The following ADGRF4 variants were observed in gnomAD, a reference collection of about 807,000 sequenced individuals.
ADGRF4 encodes adhesion G protein-coupled receptor F4.
ADGRF4 carries 63 observed loss-of-function variants against 58.5 expected under a neutral mutation model. The observed-to-expected ratio is 1.08, with a 90% CI of 0.88 to 1.33. The LOEUF (loss-of-function observed/expected upper bound fraction) is 1.33. Among genes scored for constraint, ADGRF4 ranks in the 40% most tolerant of loss-of-function variants. The pLI is 0.00. For missense variants in ADGRF4, 931 were observed against 843.9 expected, an observed-to-expected ratio of 1.10 and a Z score of -1.28; for synonymous variants, 313 against 295.4, an observed-to-expected ratio of 1.06 and a Z score of -0.61.
At chr6:47,705,802 AT>A (rs1561864944) in intron 1 of ADGRF4, among the ~76,000 whole-genome samples, 1 of 152,196 alleles carries the variant, frequency 6.6e-6, no homozygotes, top group Non-Finnish European at 1.5e-5. Flanking sequence ...TCATAAGGGA[AT>A]TTATGTTTGC....
At chr6:47,706,130 A>T (rs1771705086) in intron 1 of ADGRF4, among the ~76,000 whole-genome samples, 1 of 152,202 alleles carries the variant, frequency 6.6e-6, no homozygotes, top group Middle Eastern at 3.2e-3. Flanking sequence ...ATTTTGCTGC[A>T]TCTGGATTTC....
rs574875499 is a variant in ADGRF4, at chr6:47,707,305, A to G, written c.60A>G (p.Glu20=). 2.6e-5 allele frequency: 42 copies of G among 1,612,860 alleles called. 1 individual carries two copies. In the South Asian group the frequency reaches 4.0e-4, roughly 15 times the overall value. The change falls in exon 2 of 10, where the codon GAA becomes GAG. Residue 20 remains glutamate (E), a synonymous_variant. Transcript: ENST00000283303. ...ICCLVFFLST[E]CSHYRSKIHL... ...GCTTAGTGTTCTTTCTGTCCACAGA[A>G]TGTTCCCACTATAGATCCAAGATTC...
chr6:47,713,743 C>T (rs1482353871), intron 5 of ADGRF4, 55 bp from the exon 6 acceptor site: 2 of 1,357,246 alleles, frequency 1.5e-6, no homozygotes, highest in Admixed American at 2.7e-5. Context: ...TAGAAATCAA[C>T]TTTGTACAAC....
rs116648749 is a variant in ADGRF4 at position 47,710,577 on chromosome 6, C to G, written c.149-158C>G. On this transcript the variant is annotated intron_variant, in intron 3 of 9. Coordinates refer to ENST00000283303, the MANE Select transcript of ADGRF4 (RefSeq NM_153838.5). ...CCTGGATACCAGCTGCACAATCTAC[C>G]TGGCAGCTCTTACTCATTGCCGTGG... 4.3e-3 allele frequency among the ~76,000 whole-genome samples: 656 copies of G among 152,286 alleles called. 3 individuals carry two copies. Among genetic ancestry groups the G allele is most frequent in the African/African-American group, 0.014 (571 of 41,542 alleles).
chr6:47,715,116 C>T lies in ADGRF4; in HGVS notation c.1871C>T (p.Thr624Ile). 1 of 1,605,352 alleles carries T rather than the reference C, an allele frequency of 6.2e-7. No homozygotes were observed. The change falls in exon 6 of 10, where the codon ACT becomes ATT. Residue 624 changes from threonine to isoleucine, a missense_variant. Coordinates refer to ENST00000283303, the MANE Select transcript of ADGRF4 (RefSeq NM_153838.5). ...CTGACCTGGGGTTTTGGAATAGCCA[C>T]TCTCATAGAAGGCACTTCCTTGACG... is the stretch of plus-strand genomic sequence containing the variant. Reference protein sequence around the residue: ...LGLTWGFGIATLIEGTSLTFH... With the variant: ...LGLTWGFGIAILIEGTSLTFH...
intron 1 of ADGRF4, among the ~76,000 whole-genome samples, chr6:47,705,333 G>A (rs1266893730): frequency 3.3e-5 from 5 of 152,204 alleles, no homozygotes; most frequent in Non-Finnish European, 4.4e-5. Flanking sequence ...GATCAGTTAA[G>A]CATCTATCTT....
chr6:47,699,629 T>C (rs981664658), intron 1 of ADGRF4, among the ~76,000 whole-genome samples: 6 of 152,214 alleles, frequency 3.9e-5, no homozygotes, highest in African/African-American at 1.4e-4. Flanking sequence ...CTGGAAGCCA[T>C]CTAAAGTAGC....
intron 9 of ADGRF4, among the ~76,000 whole-genome samples, chr6:47,719,365 G>A (rs1001650287): frequency 7.2e-5 from 11 of 152,088 alleles, no homozygotes; most frequent in African/African-American, 2.4e-4. Flanking sequence ...TGTTAGTGCT[G>A]GGAAAACGGG....
At position 47,721,943 on chromosome 6, in the gene ADGRF4, C is replaced by A. The variant is rs776007452; in HGVS notation, c.*738C>A. ...CATGTTTGTGTTTGTGTATATGTGTCTTTTAAAAATACTATATATAAAGAA... is the reference window on the plus strand; with the variant it reads ...CATGTTTGTGTTTGTGTATATGTGTATTTTAAAAATACTATATATAAAGAA... On this transcript the variant is annotated 3_prime_UTR_variant, in exon 10 of 10. Coordinates refer to ENST00000283303, the MANE Select transcript of ADGRF4 (RefSeq NM_153838.5). The A allele has an allele frequency of 2.0e-5, 3 of 152,020 alleles. No homozygotes were observed. The highest frequency in any genetic ancestry group is 4.4e-5 in the Non-Finnish European group (3 of 67,994). 9.4% of individuals were successfully genotyped at this position (152,020 alleles called of 1,614,324 possible).
At chr6:47,715,982 G>A (rs1211285397) in intron 6 of ADGRF4, among the ~76,000 whole-genome samples, 2 of 63,816 alleles carry the variant, frequency 3.1e-5, no homozygotes, top group East Asian at 2.2e-4. Context: ...TGACATGAGG[G>A]ATTTTTTTTT....
At chr6:47,711,852 A>G (rs1771880294) in intron 4 of ADGRF4, among the ~76,000 whole-genome samples, 1 of 151,954 alleles carries the variant, frequency 6.6e-6, no homozygotes, top group South Asian at 2.1e-4. Flanking sequence ...CTATGGTCAC[A>G]CTCGAAAGTG....
chr6:47,710,614 C>T, intron 3 of ADGRF4, 121 bp from the exon 4 acceptor site: 1 of 941,828 alleles, frequency 1.1e-6, no homozygotes, highest in Non-Finnish European at 1.6e-6. Context: ...CCCAGTTCAA[C>T]CCAATTGCCT....
chr6:47,714,920 C>T lies in ADGRF4; in HGVS notation c.1675C>T (p.Leu559Phe), dbSNP rs1430129216. The change falls in exon 6 of 10, where the codon CTT (leucine) becomes TTT (phenylalanine). Residue 559 changes from leucine (L) to phenylalanine (F), a missense_variant. Transcript: ENST00000283303. ...GCTTAACTGGGACAATACCAAAGCC[C>T]TTTTAGCATTTGCCATCCCGGCGTT... ...CWLNWDNTKA[L>F]LAFAIPAFVI... The T allele has an allele frequency of 6.2e-7, 1 of 1,613,614 alleles. No homozygotes were observed. The highest frequency in any genetic ancestry group is 2.2e-5 in the East Asian group (1 of 44,854).
intron 3 of ADGRF4, among the ~76,000 whole-genome samples, chr6:47,709,905 A>G (rs368111502): frequency 6.6e-6 from 1 of 151,254 alleles, no homozygotes; most frequent in African/African-American, 2.4e-5. Context: ...TAAAATAGCC[A>G]CCAAACATAG....
At chr6:47,720,593 TC>T (rs1343112086) in intron 9 of ADGRF4, among the ~76,000 whole-genome samples, 2 of 152,124 alleles carry the variant, frequency 1.3e-5, no homozygotes, top group Non-Finnish European at 2.9e-5. Flanking sequence ...GGGTATAGAT[TC>T]TCATTGGGAA....
intron 8 of ADGRF4, among the ~76,000 whole-genome samples, chr6:47,717,725 T>C (rs1158002195): frequency 6.6e-6 from 1 of 152,216 alleles, no homozygotes; most frequent in Non-Finnish European, 1.5e-5. Context: ...AAGCCCAGAA[T>C]ACTTATGGGA....
intron 1 of ADGRF4, among the ~76,000 whole-genome samples, chr6:47,706,730 G>A (rs574411552): frequency 6.6e-6 from 1 of 152,314 alleles, no homozygotes; most frequent in South Asian, 2.1e-4. Flanking sequence ...TGGATCATCT[G>A]GGTTGAACTC....
At chr6:47,708,005 C>T (rs1771761456) in intron 2 of ADGRF4, among the ~76,000 whole-genome samples, 1 of 152,178 alleles carries the variant, frequency 6.6e-6, no homozygotes, top group Admixed American at 6.5e-5. Context: ...AAGTGACCAC[C>T]ATCAAGGTTC....
chr6:47,712,281 G>C, intron 4 of ADGRF4, 76 bp from the exon 5 acceptor site: 2 of 1,434,664 alleles, frequency 1.4e-6, no homozygotes, highest in South Asian at 2.5e-5. Context: ...CATGTAGATT[G>C]TGCTTTAACT....
Sources: allele counts gnomAD v4.1 joint callset (sites outside exome capture counted in the v4.1 genomes callset), GRCh38; gene constraint gnomAD v4.1.1; transcripts MANE v1.5; gene names NCBI Gene and HGNC (gene_info 2026-07-23, HGNC 2026-07-21).